LTBP1: variants seen among roughly 807,000 people sequenced by gnomAD.
LTBP1 encodes the protein latent-transforming growth factor beta-binding protein 1.
Under a neutral mutation model 207.6 loss-of-function variants are expected in LTBP1, and 129 were observed. The observed-to-expected ratio is 0.62, with a 90% CI of 0.54 to 0.72. LTBP1 has a LOEUF of 0.72. Ranked by LOEUF, LTBP1 falls within the 30% of genes least tolerant of loss-of-function variation. The probability of loss-of-function intolerance (pLI) is 0.00; values close to 1 mark genes in which losing one functional copy is unlikely to be tolerated. For missense variants in LTBP1, 2,281 were observed against 2,217.2 expected, an observed-to-expected ratio of 1.03 and a Z score of -0.58; for synonymous variants, 963 against 833.7, an observed-to-expected ratio of 1.16 and a Z score of -2.67.
At position 33,222,597 on chromosome 2, in the gene LTBP1, G is replaced by A. The variant is rs553959808; in HGVS notation, c.1876+446G>A. On this transcript the variant is annotated intron_variant, in intron 9 of 33. Coordinates refer to ENST00000404816, the MANE Select transcript of LTBP1 (RefSeq NM_206943.4). ...GTCATCTCAGGAACTAGATATCAGA[G>A]TAAACACATTTTGCCTAGGCAATAA... Among the ~76,000 whole-genome samples the A allele has an allele frequency of 2.0e-5, 3 of 152,306 alleles. No homozygotes were observed. In the South Asian group the frequency reaches 6.2e-4, roughly 32 times the overall value.
intron 23 of LTBP1, among the ~76,000 whole-genome samples, chr2:33,311,835 AAC>A (rs907806262): frequency 2.0e-5 from 3 of 152,224 alleles, no homozygotes; most frequent in Admixed American, 1.3e-4. Context: ...GACTACTCCA[AAC>A]ATAGAGAGTT....
In LTBP1 at chr2:33,097,968, A is replaced by G. The variant is rs543559467; in HGVS notation, c.864-12614A>G. ...TTACATACTAGACTATTATTTCTTA[A>G]AGAATGTGATTAGTAGGTCAATGAG... is the stretch of plus-strand genomic sequence containing the variant. On this transcript the variant is annotated intron_variant, in intron 3 of 33. Coordinates refer to ENST00000404816, the MANE Select transcript of LTBP1 (RefSeq NM_206943.4). Among the ~76,000 whole-genome samples, 3 of 152,304 alleles carry G rather than the reference A, an allele frequency of 2.0e-5. No homozygotes were observed. In the East Asian group the frequency reaches 5.8e-4, roughly 29 times the overall value.
chr2:33,307,093 A>C (rs986047212), intron 22 of LTBP1, among the ~76,000 whole-genome samples: 1 of 152,198 alleles, frequency 6.6e-6, no homozygotes, highest in African/African-American at 2.4e-5. Flanking sequence ...CTCAAAAACA[A>C]AACAAAACAT....
intron 7 of LTBP1, 28 bp downstream of exon 7, chr2:33,188,879 G>T: frequency 6.2e-7 from 1 of 1,606,454 alleles, no homozygotes; most frequent in Non-Finnish European, 8.5e-7. Context: ...GCCTGCTTTA[G>T]CAGTGTCTTA....
chr2:33,299,666 C>A (rs1008155449), intron 20 of LTBP1, among the ~76,000 whole-genome samples: 22 of 152,210 alleles, frequency 1.4e-4, no homozygotes, highest in African/African-American at 5.1e-4. Context: ...ACAGAATTAT[C>A]TGCTTAGGTC....
chr2:33,172,160 T>C (rs2148452979), intron 5 of LTBP1, among the ~76,000 whole-genome samples: 1 of 152,228 alleles, frequency 6.6e-6, no homozygotes, highest in Non-Finnish European at 1.5e-5. Context: ...CATAACAATA[T>C]TAACTTTAAA....
At chr2:33,150,372 A>AT (rs1211185413) in intron 5 of LTBP1, among the ~76,000 whole-genome samples, 7 of 151,978 alleles carry the variant, frequency 4.6e-5, no homozygotes, top group East Asian at 3.8e-4. Context: ...TACATGACTG[A>AT]TTTTTTCCCC....
At chr2:33,224,556 T>A (rs1322807606) in intron 9 of LTBP1, among the ~76,000 whole-genome samples, 1 of 152,202 alleles carries the variant, frequency 6.6e-6, no homozygotes, top group Non-Finnish European at 1.5e-5. Flanking sequence ...AGAAGACATT[T>A]GGTCCTGAAG....
chr2:32,996,639 CAAT>C (rs1219530453), intron 2 of LTBP1, among the ~76,000 whole-genome samples: 1 of 152,094 alleles, frequency 6.6e-6, no homozygotes, highest in Non-Finnish European at 1.5e-5. Flanking sequence ...TGGAGCTTCA[CAAT>C]AATATCTGCA....
At chr2:33,237,262 A>G (rs1304265667) in intron 9 of LTBP1, among the ~76,000 whole-genome samples, 1 of 152,146 alleles carries the variant, frequency 6.6e-6, no homozygotes, top group Non-Finnish European at 1.5e-5. Context: ...AGATTTTGCC[A>G]AAGGACTCTT....
At chr2:32,962,773 G>C (rs1398602851) in intron 2 of LTBP1, among the ~76,000 whole-genome samples, 1 of 152,196 alleles carries the variant, frequency 6.6e-6, no homozygotes, top group African/African-American at 2.4e-5. Flanking sequence ...TAGCCTCGTG[G>C]CTCTCAAAGT....
intron 15 of LTBP1, among the ~76,000 whole-genome samples, chr2:33,267,373 C>T (rs1248318791): frequency 1.3e-5 from 2 of 152,160 alleles, no homozygotes; most frequent in Non-Finnish European, 2.9e-5. Context: ...GCAAAGATGC[C>T]ACCAGCCACA....
intron 7 of LTBP1, among the ~76,000 whole-genome samples, chr2:33,198,087 A>G (rs2088778076): frequency 6.6e-6 from 1 of 152,222 alleles, no homozygotes; most frequent in South Asian, 2.1e-4. Flanking sequence ...ATAGTTTGCA[A>G]CTATAAAACT....
At chr2:33,222,179 G>T (rs1418739474) in intron 9 of LTBP1, 28 bp downstream of exon 9, 9 of 1,528,096 alleles carry the variant, frequency 5.9e-6, no homozygotes, top group South Asian at 1.1e-5. Flanking sequence ...CATTGATGTG[G>T]ACTCAACAGT....
At chr2:33,161,588 T>G (rs77303811) in intron 5 of LTBP1, among the ~76,000 whole-genome samples, 2,261 of 152,328 alleles carry the variant, frequency 0.015, 23 homozygotes, top group East Asian at 0.027. Flanking sequence ...TTATAGAGAC[T>G]TTGCTGTTCT....
At position 33,367,941 on chromosome 2, in the gene LTBP1, G is replaced by A. The variant is rs182011440; in HGVS notation, c.4711+2438G>A. Among the ~76,000 whole-genome samples the A allele has an allele frequency of 3.3e-4, 50 of 152,280 alleles. 3 individuals are homozygous for A. The highest frequency in any genetic ancestry group is 1.1e-3 in the African/African-American group (45 of 41,566). ...AAAAATTACCATCTTTTGGCCGTGCGCGGTGGCTCATGCCTGTAATCACAG... is the reference window on the plus strand; with the variant it reads ...AAAAATTACCATCTTTTGGCCGTGCACGGTGGCTCATGCCTGTAATCACAG... On this transcript the variant is annotated intron_variant, in intron 31 of 33. Transcript: ENST00000404816.
Position 33,134,986 on chromosome 2 carries a change from G to C in LTBP1, c.1201+26G>C, listed in dbSNP as rs80190708. ...GTGAGTTCCTCCACGGTCCCTAACT[G>C]TCCTTACTGAGTCGAGTTTTATGAG... is the stretch of plus-strand genomic sequence containing the variant. On this transcript the variant is annotated intron_variant, in intron 5 of 33. Transcript: ENST00000404816. The surrounding 1 kb of genome is among the most constrained non-coding windows in gnomAD (Gnocchi z 4.4). The C allele has an allele frequency of 2.2e-4, 338 of 1,571,336 alleles. 1 individual carries two copies. In the African/African-American group the frequency reaches 4.1e-3, roughly 19 times the overall value.
chr2:33,307,085 C>CAAAAAAAAAAAAAAAAAA (rs1291775472), intron 22 of LTBP1, among the ~76,000 whole-genome samples: 1 of 151,714 alleles, frequency 6.6e-6, no homozygotes, highest in South Asian at 2.1e-4. Flanking sequence ...GACTCCATCT[C>CAAAAAAAAAAAAAAAAAA]AAAAACAAAA....
At chr2:33,041,237 T>C (rs1189512478) in intron 3 of LTBP1, among the ~76,000 whole-genome samples, 1 of 152,226 alleles carries the variant, frequency 6.6e-6, no homozygotes, top group Admixed American at 6.5e-5. Context: ...TTATTTTTTC[T>C]AGCTAGATGG....
Sources: allele counts gnomAD v4.1 joint callset (sites outside exome capture counted in the v4.1 genomes callset), GRCh38; gene constraint gnomAD v4.1.1; non-coding constraint Gnocchi (gnomAD v3.1); transcripts MANE v1.5; gene names NCBI Gene and HGNC (gene_info 2026-07-23, HGNC 2026-07-21).